Variants in MRTFA observed in about 807,000 individuals in gnomAD.
MRTFA encodes myocardin-related transcription factor A.
In MRTFA, 20 loss-of-function variants were observed where a neutral mutation model predicts 83.5. That is an observed-to-expected ratio of 0.24 (90% CI 0.17 to 0.35). MRTFA has a LOEUF of 0.35. Ranked by LOEUF, MRTFA falls within the 10% of genes least tolerant of loss-of-function variation. The probability of loss-of-function intolerance (pLI) is 1.00; values close to 1 mark genes in which losing one functional copy is unlikely to be tolerated. For missense variants in MRTFA, 1,200 were observed against 1,224.7 expected, an observed-to-expected ratio of 0.98 and a Z score of 0.30; for synonymous variants, 659 against 541.2, an observed-to-expected ratio of 1.22 and a Z score of -3.02.
At chr22:40,462,539 AG>A (rs1266733643) in intron 4 of MRTFA, among the ~76,000 whole-genome samples, 1 of 152,256 alleles carries the variant, frequency 6.6e-6, no homozygotes, top group African/African-American at 2.4e-5. Context: ...TAAAAAAGAA[AG>A]GTCCGAAAGA....
chr22:40,434,051 C>T (rs777148495), intron 5 of MRTFA, among the ~76,000 whole-genome samples: 10 of 152,270 alleles, frequency 6.6e-5, no homozygotes, highest in Non-Finnish European at 1.3e-4. Context: ...GATAATACCA[C>T]CTAATTCATA....
At chr22:40,533,940 C>CAT (rs1190426052) in intron 3 of MRTFA, 1 of 280,118 alleles carries the variant, frequency 3.6e-6, no homozygotes, top group East Asian at 5.3e-5. Context: ...AGGGGAGAGA[C>CAT]ATATATAAAG....
At position 40,417,323 on chromosome 22, in the gene MRTFA, C is replaced by A. The variant is rs2052703245; in HGVS notation, c.2517+18G>T. 1.9e-6 allele frequency: 3 copies of A among 1,607,650 alleles called. No homozygotes were observed. Among genetic ancestry groups the A allele is most frequent in the Non-Finnish European group, 2.5e-6 (3 of 1,177,994 alleles). On this transcript the variant is annotated intron_variant, in intron 13 of 14. Coordinates refer to ENST00000355630, the MANE Select transcript of MRTFA (RefSeq NM_020831.6). Reference sequence around the variant, plus strand: ...GGGCAGCTGCCAACACTAGCCAGGCCTAGCCCGCCTTCCTCACCTGCTGTT... The same window carrying A: ...GGGCAGCTGCCAACACTAGCCAGGCATAGCCCGCCTTCCTCACCTGCTGTT...
At chr22:40,513,469 T>C in intron 3 of MRTFA, among the ~76,000 whole-genome samples, 1 of 151,552 alleles carries the variant, frequency 6.6e-6, no homozygotes, top group East Asian at 2.0e-4. Context: ...GGCATGGTGG[T>C]GTGTGCCTGT....
In MRTFA at chr22:40,615,444, T is replaced by C. The variant is rs528790887; in HGVS notation, c.-83-20709A>G. ...TTCCTCTTGTAAATTGTTTTGGCTA[T>C]TATAGGTCCCTTGTATTTCCATGTG... On this transcript the variant is annotated intron_variant, in intron 1 of 14. Coordinates refer to ENST00000355630, the MANE Select transcript of MRTFA (RefSeq NM_020831.6). Among the ~76,000 whole-genome samples the C allele has an allele frequency of 3.3e-5, 5 of 152,348 alleles. No homozygotes were observed. The South Asian group carries it at 1.0e-3, about 32-fold the overall frequency.
At chr22:40,619,809 A>G (rs133039) in intron 1 of MRTFA, among the ~76,000 whole-genome samples, 60,346 of 147,750 alleles carry the variant, frequency 0.41, 13,495 homozygotes, top group East Asian at 0.87. Context: ...AGAATGGTGC[A>G]AACCTGGGAG....
chr22:40,492,834 C>T (rs966877640), intron 3 of MRTFA, among the ~76,000 whole-genome samples: 10 of 152,210 alleles, frequency 6.6e-5, no homozygotes, highest in African/African-American at 2.2e-4. Flanking sequence ...TAATGGTTAA[C>T]TGGCAAGTGT....
intron 3 of MRTFA, chr22:40,463,542 C>G (rs1467274434): frequency 2.6e-6 from 1 of 384,448 alleles, no homozygotes; most frequent in Non-Finnish European, 4.7e-6. Context: ...CAGAGTCTTG[C>G]CTTTTGCTCA....
intron 3 of MRTFA, among the ~76,000 whole-genome samples, chr22:40,464,902 TC>T (rs2147156841): frequency 6.6e-6 from 1 of 152,164 alleles, no homozygotes; most frequent in Non-Finnish European, 1.5e-5. Context: ...ACACTCACAC[TC>T]CCCTCTTATC....
intron 4 of MRTFA, among the ~76,000 whole-genome samples, chr22:40,457,473 A>G (rs538665607): frequency 7.0e-6 from 1 of 143,588 alleles, no homozygotes; most frequent in Non-Finnish European, 1.5e-5. Context: ...AAAGAAAGAA[A>G]GAAAGAAAGA....
At chr22:40,553,914 G>A (rs2055481522) in intron 2 of MRTFA, among the ~76,000 whole-genome samples, 1 of 152,206 alleles carries the variant, frequency 6.6e-6, no homozygotes, top group Non-Finnish European at 1.5e-5. Context: ...AGCTGCTCAA[G>A]GCCGTGGGAG....
chr22:40,527,057 T>C (rs1320733318), intron 3 of MRTFA, among the ~76,000 whole-genome samples: 1 of 151,826 alleles, frequency 6.6e-6, no homozygotes, highest in Admixed American at 6.6e-5. Context: ...GCCAGGAAGG[T>C]TGAGTCTGCA....
At chr22:40,423,054 A>C (rs1354423168) in intron 9 of MRTFA, among the ~76,000 whole-genome samples, 1 of 152,184 alleles carries the variant, frequency 6.6e-6, no homozygotes, top group Non-Finnish European at 1.5e-5. Flanking sequence ...CAGACACCTC[A>C]GTCCATGAGG....
At chr22:40,487,128 G>A (rs1484725395) in intron 3 of MRTFA, among the ~76,000 whole-genome samples, 2 of 152,136 alleles carry the variant, frequency 1.3e-5, no homozygotes, top group Non-Finnish European at 2.9e-5. Flanking sequence ...TCTAAGGACA[G>A]GATATATGTT....
At chr22:40,592,648 C>G (rs1178156797) in intron 2 of MRTFA, among the ~76,000 whole-genome samples, 1 of 152,042 alleles carries the variant, frequency 6.6e-6, no homozygotes, top group Non-Finnish European at 1.5e-5. Context: ...GTCACCATGC[C>G]TGGCTAATTT....
intron 2 of MRTFA, among the ~76,000 whole-genome samples, chr22:40,573,651 C>A (rs1203888870): frequency 6.6e-6 from 1 of 151,902 alleles, no homozygotes; most frequent in Non-Finnish European, 1.5e-5. Flanking sequence ...ACCTGTAATT[C>A]CAGAACTTTG....
chr22:40,483,578 G>A (rs934941592), intron 3 of MRTFA, among the ~76,000 whole-genome samples: 5 of 151,598 alleles, frequency 3.3e-5, no homozygotes, highest in African/African-American at 4.8e-5. Context: ...CCAGCTACTC[G>A]GGAGGCTGAG....
intron 2 of MRTFA, among the ~76,000 whole-genome samples, chr22:40,582,641 G>A (rs928703321): frequency 2.6e-4 from 39 of 150,518 alleles, no homozygotes; most frequent in African/African-American, 8.6e-4. Flanking sequence ...AGCCACAGAC[G>A]AAGGTTTTAA....
rs1047441731 is a variant in MRTFA at position 40,411,280 on chromosome 22, G to GTGAT, written c.*106_*109dup. On this transcript the variant is annotated 3_prime_UTR_variant, in exon 15 of 15. Transcript: ENST00000355630. ...CCAGGGAAGGGAAAAAGCAGGGGCT[G>GTGAT]TGATTGTCAAGACTCACAACCATGT... 391 of 1,215,838 alleles carry GTGAT rather than the reference G, an allele frequency of 3.2e-4. 1 individual carries two copies. Among genetic ancestry groups the GTGAT allele is most frequent in the Non-Finnish European group, 3.2e-4 (286 of 882,786 alleles). 75.3% of individuals were successfully genotyped at this position (1,215,838 alleles called of 1,614,324 possible). A position where few individuals can be genotyped will look rare whatever the true frequency, so the allele number is the denominator to read the frequency against.
Sources: allele counts gnomAD v4.1 joint callset (sites outside exome capture counted in the v4.1 genomes callset), GRCh38; gene constraint gnomAD v4.1.1; transcripts MANE v1.5; gene names NCBI Gene and HGNC (gene_info 2026-07-23, HGNC 2026-07-21).